The following COL3A1 variants were observed in gnomAD, a reference collection of about 807,000 sequenced individuals.
COL3A1 encodes collagen alpha-1(III) chain.
Under a neutral mutation model 200.9 loss-of-function variants are expected in COL3A1, and 46 were observed. That is an observed-to-expected ratio of 0.23 (90% CI 0.18 to 0.29). The LOEUF is 0.29. COL3A1 is among the 10% of genes least tolerant of loss of function. The probability of loss-of-function intolerance (pLI) is 1.00; values close to 1 mark genes in which losing one functional copy is unlikely to be tolerated. For missense variants in COL3A1, 1,367 were observed against 1,917.6 expected, an observed-to-expected ratio of 0.71 and a Z score of 5.36; for synonymous variants, 650 against 628.0, an observed-to-expected ratio of 1.03 and a Z score of -0.52.
chr2:188,983,524 T>C (rs536974893), intron 1 of COL3A1, among the ~76,000 whole-genome samples: 1 of 152,004 alleles, frequency 6.6e-6, no homozygotes, highest in East Asian at 1.9e-4. Flanking sequence ...AGAGAGATGA[T>C]ATAGCAACGG....
At position 188,997,227 on chromosome 2, in the gene COL3A1, C is replaced by A; in HGVS notation, c.1815+9C>A. On this transcript the variant is annotated intron_variant, in intron 25 of 50. Coordinates refer to ENST00000304636, the MANE Select transcript of COL3A1 (RefSeq NM_000090.4). Reference sequence around the variant, plus strand: ...GAGGACCTGGCCCTCAGGTACGTAGCTTTCCTCAATTTATTTCTAGCCTTC... The same window carrying A: ...GAGGACCTGGCCCTCAGGTACGTAGATTTCCTCAATTTATTTCTAGCCTTC... 1 of 1,613,996 alleles carries A rather than the reference C, an allele frequency of 6.2e-7. No individual in the cohort carries two copies. Among genetic ancestry groups the A allele is most frequent in the Non-Finnish European group, 8.5e-7 (1 of 1,179,972 alleles).
At chr2:188,990,235 A>G in intron 9 of COL3A1, 72 bp from the exon 10 acceptor site, 5 of 1,584,580 alleles carry the variant, frequency 3.2e-6, no homozygotes, top group Non-Finnish European at 4.3e-6. Context: ...ACTTAAAAAC[A>G]GAAAGTGTTT....
In COL3A1 at chr2:188,994,165, T is replaced by C. The variant is rs749899232; in HGVS notation, c.1195-69T>C. 7.4e-6 allele frequency: 12 copies of C among 1,610,974 alleles called. No individual in the cohort carries two copies. The East Asian group carries it at 1.1e-4, about 15-fold the overall frequency. On this transcript the variant is annotated intron_variant, in intron 17 of 50. Coordinates refer to ENST00000304636, the MANE Select transcript of COL3A1 (RefSeq NM_000090.4). The surrounding 1 kb of genome is among the most constrained non-coding windows in gnomAD (Gnocchi z 4.5). Reference sequence around the variant, plus strand: ...ATTTTGCATGACAATAGATTTGTGATATTTAAGTGAGATATTCATAAAAGA... The same window carrying C: ...ATTTTGCATGACAATAGATTTGTGACATTTAAGTGAGATATTCATAAAAGA...
rs555201837 is a variant in COL3A1 at position 188,983,526 on chromosome 2, T to C, written c.80-1234T>C. Among the ~76,000 whole-genome samples the C allele has an allele frequency of 5.3e-5, 8 of 152,030 alleles. No homozygotes were observed. In the South Asian group the frequency reaches 6.2e-4, roughly 12 times the overall value. ...TATTACCCTAGACAGAGAGATGATA[T>C]AGCAACGGGACCTCGAAAAGGTGAT... On this transcript the variant is annotated intron_variant, in intron 1 of 50. Coordinates refer to ENST00000304636, the MANE Select transcript of COL3A1 (RefSeq NM_000090.4).
chr2:189,011,684 G>C lies in COL3A1; in HGVS notation c.4311G>C (p.Val1437=), dbSNP rs1688730215. Residue 1437 remains valine, a synonymous_variant, in exon 51 of 51, where the codon GTG becomes GTC. Transcript: ENST00000304636. ...TTGAATATCGAACACGCAAGGCTGT[G>C]AGACTACCTATTGTAGATATTGCAC... ...TVFEYRTRKA[V]RLPIVDIAPY... 2 of 1,614,048 alleles carry C rather than the reference G, an allele frequency of 1.2e-6. No individual in the cohort carries two copies.
intron 6 of COL3A1, 27 bp from the exon 7 acceptor site, chr2:188,988,563 A>G: frequency 6.5e-7 from 1 of 1,535,170 alleles, no homozygotes; most frequent in South Asian, 1.1e-5. Flanking sequence ...TGTTACTTTA[A>G]AATTATTTAC....
At chr2:188,977,430 A>G (rs894392954) in intron 1 of COL3A1, among the ~76,000 whole-genome samples, 1 of 152,004 alleles carries the variant, frequency 6.6e-6, no homozygotes, top group African/African-American at 2.4e-5. Context: ...TATTTTTTTC[A>G]TTATGCTTTA....
At chr2:189,004,483 T>A in intron 40 of COL3A1, 119 bp downstream of exon 40, 1 of 917,366 alleles carries the variant, frequency 1.1e-6, no homozygotes, top group Non-Finnish European at 1.7e-6. Context: ...AGGAGATAAT[T>A]TTTTTTTATT....
chr2:189,002,859 C>T, intron 35 of COL3A1, 96 bp from the exon 36 acceptor site: 1 of 950,828 alleles, frequency 1.1e-6, no homozygotes, highest in Non-Finnish European at 1.7e-6. Flanking sequence ...CAACTCCTTC[C>T]ATCTGAAGAA....
At chr2:188,993,021 T>TAAAAAAATCAG in intron 15 of COL3A1, 81 bp downstream of exon 15, 1 of 1,304,756 alleles carries the variant, frequency 7.7e-7, no homozygotes, top group Non-Finnish European at 1.1e-6. Context: ...TGCAACTGAT[T>TAAAAAAATCAG]TTTTTAATCA....
At chr2:188,991,747 C>A (rs1688195277) in intron 13 of COL3A1, 25 bp downstream of exon 13, 1 of 1,612,840 alleles carries the variant, frequency 6.2e-7, no homozygotes, top group Middle Eastern at 1.7e-4. Flanking sequence ...TAACATCACA[C>A]AATTACAACC....
At chr2:188,982,308 A>G (rs1196484295) in intron 1 of COL3A1, among the ~76,000 whole-genome samples, 3 of 151,790 alleles carry the variant, frequency 2.0e-5, no homozygotes, top group Non-Finnish European at 4.4e-5. Context: ...CAATTTTAAC[A>G]AACTCATTTA....
At chr2:188,998,608 T>C in intron 28 of COL3A1, 66 bp from the exon 29 acceptor site, 1 of 1,457,022 alleles carries the variant, frequency 6.9e-7, no homozygotes. Context: ...TATATTTACA[T>C]ATTTGCTTAT....
chr2:189,002,408 A>G, intron 35 of COL3A1, 57 bp downstream of exon 35: 2 of 1,511,086 alleles, frequency 1.3e-6, no homozygotes, highest in Non-Finnish European at 1.8e-6. Context: ...TATCTTGCTG[A>G]AAAATTACAA....
chr2:189,005,703 T>C, intron 41 of COL3A1: 1 of 502,660 alleles, frequency 2.0e-6, no homozygotes, highest in Non-Finnish European at 3.6e-6. Context: ...GGAAAAAAGT[T>C]AGTGGGGAGA....
chr2:189,005,523 T>TAAA, intron 41 of COL3A1, 66 bp downstream of exon 41: 5 of 1,358,558 alleles, frequency 3.7e-6, no homozygotes, highest in Middle Eastern at 1.8e-4. Flanking sequence ...AAAGGTGAAA[T>TAAA]TGAGCTTTAA....
chr2:188,996,517 C>T, intron 24 of COL3A1, 21 bp downstream of exon 24: 1 of 1,592,390 alleles, frequency 6.3e-7, no homozygotes. Context: ...TCATTAATTT[C>T]TTCAATAAAT....
intron 32 of COL3A1, among the ~76,000 whole-genome samples, chr2:189,000,272 G>C (rs905579091): frequency 1.3e-5 from 2 of 152,144 alleles, no homozygotes; most frequent in Non-Finnish European, 2.9e-5. Context: ...AAATTGTATA[G>C]TATTTAGCAA....
At chr2:188,975,526 ATAGC>A (rs1315883269) in intron 1 of COL3A1, among the ~76,000 whole-genome samples, 3 of 152,218 alleles carry the variant, frequency 2.0e-5, no homozygotes. Flanking sequence ...AAATGTAAAG[ATAGC>A]TAGGAGAAAT....
Sources: gnomAD v4.1 joint callset for allele counts (sites outside exome capture counted in the v4.1 genomes callset) on GRCh38, gnomAD v4.1.1 for gene constraint, Gnocchi (gnomAD v3.1) non-coding constraint, MANE v1.5 for transcripts, NCBI Gene and HGNC (gene_info 2026-07-23, HGNC 2026-07-21) for gene names.